The following KIF5C variants were observed in gnomAD, a reference collection of about 807,000 sequenced individuals.
KIF5C encodes the protein kinesin heavy chain isoform 5C.
Under a neutral mutation model 125.2 loss-of-function variants are expected in KIF5C, and 18 were observed. The ratio of observed to expected loss-of-function variants is 0.14; its 90% CI spans 0.10 to 0.21. KIF5C has a LOEUF of 0.21. Among genes scored for constraint, KIF5C ranks in the 10% least tolerant of loss-of-function variants. KIF5C has a pLI of 1.00. For synonymous variants in KIF5C, 405 were observed against 434.0 expected, an observed-to-expected ratio of 0.93 and a Z score of 0.83; for missense variants, 780 against 1,183.8, an observed-to-expected ratio of 0.66 and a Z score of 5.01.
chr2:149,015,195 T>C (rs1682326393), intron 25 of KIF5C, among the ~76,000 whole-genome samples: 1 of 152,144 alleles, frequency 6.6e-6, no homozygotes, highest in Admixed American at 6.5e-5. Flanking sequence ...CTAAAAAACA[T>C]ATATATATAA....
In KIF5C at chr2:148,983,478, C is replaced by T. The variant is rs532226251; in HGVS notation, c.1570-142C>T. 371 of 1,181,758 alleles carry T rather than the reference C, an allele frequency of 3.1e-4. 5 individuals are homozygous for T. In the South Asian group the frequency reaches 7.2e-3, roughly 23 times the overall value. 73.2% of individuals were successfully genotyped at this position (1,181,758 alleles called of 1,614,324 possible). Reference sequence around the variant, plus strand: ...TCTTATCCAAGAATGCAGTGCTATGCGAGAGTTTGCCTTAAAAGGATTCTT... The same window carrying T: ...TCTTATCCAAGAATGCAGTGCTATGTGAGAGTTTGCCTTAAAAGGATTCTT... On this transcript the variant is annotated intron_variant, in intron 14 of 25. Coordinates refer to ENST00000435030, the MANE Select transcript of KIF5C (RefSeq NM_004522.3).
chr2:148,943,158 C>T (rs1682445755), intron 7 of KIF5C, among the ~76,000 whole-genome samples: 1 of 152,118 alleles, frequency 6.6e-6, no homozygotes, highest in African/African-American at 2.4e-5. Flanking sequence ...TAATATGTTG[C>T]AGTCACACAC....
chr2:148,992,099 C>T lies in KIF5C; in HGVS notation c.1905+901C>T, dbSNP rs140583321. ...ATTGGTGTGTCAAATAATACTGAGG[C>T]GGACAAAAGCACACTTTATTCTGGT... On this transcript the variant is annotated intron_variant, in intron 16 of 25. Coordinates refer to ENST00000435030, the MANE Select transcript of KIF5C (RefSeq NM_004522.3). Among the ~76,000 whole-genome samples, 870 of 152,204 alleles carry T rather than the reference C, an allele frequency of 5.7e-3. 1 individual carries two copies. The highest frequency in any genetic ancestry group is 8.8e-3 in the Non-Finnish European group (599 of 68,008).
At chr2:149,011,335 G>A (rs575803852) in intron 24 of KIF5C, among the ~76,000 whole-genome samples, 3 of 152,294 alleles carry the variant, frequency 2.0e-5, no homozygotes, top group Admixed American at 2.0e-4. Context: ...GCCCAAATTA[G>A]AAATGAGCTA....
At chr2:149,012,688 C>T (rs1558948809) in intron 25 of KIF5C, among the ~76,000 whole-genome samples, 4 of 152,240 alleles carry the variant, frequency 2.6e-5, no homozygotes, top group Non-Finnish European at 4.4e-5. Flanking sequence ...GCAGTGCCAA[C>T]GAGCAGGCCA....
intron 3 of KIF5C, among the ~76,000 whole-genome samples, chr2:148,931,730 A>G (rs1209574876): frequency 1.3e-5 from 2 of 152,170 alleles, no homozygotes; most frequent in Non-Finnish European, 1.5e-5. Context: ...AATAGAAGAG[A>G]TATTTTGCTA....
Position 149,026,634 on chromosome 2 carries a change from T to C in KIF5C, c.*3564T>C, listed in dbSNP as rs1335553106. On this transcript the variant is annotated 3_prime_UTR_variant, in exon 26 of 26. Coordinates refer to ENST00000435030, the MANE Select transcript of KIF5C (RefSeq NM_004522.3). ...AAAAGATCTGGAAGTCACCCTCCTC[T>C]GGCCCACGGAAAATTTTGGTAATCT... is the stretch of plus-strand genomic sequence containing the variant. The C allele has an allele frequency of 1.3e-5, 2 of 152,668 alleles. No individual in the cohort carries two copies. The highest frequency in any genetic ancestry group is 2.9e-5 in the Non-Finnish European group (2 of 68,042). 9.5% of individuals were successfully genotyped at this position (152,668 alleles called of 1,614,324 possible).
chr2:148,885,033 C>T (rs556056381), intron 1 of KIF5C, among the ~76,000 whole-genome samples: 1 of 150,672 alleles, frequency 6.6e-6, no homozygotes, highest in African/African-American at 2.4e-5. Flanking sequence ...TGCAATGGCA[C>T]GATCTTGGCT....
intron 10 of KIF5C, among the ~76,000 whole-genome samples, chr2:148,955,204 G>C (rs1415520595): frequency 6.6e-6 from 1 of 152,154 alleles, no homozygotes; most frequent in Non-Finnish European, 1.5e-5. Flanking sequence ...ATGGGAACTA[G>C]GTCTCAGAGC....
intron 15 of KIF5C, among the ~76,000 whole-genome samples, chr2:148,984,426 T>G (rs1006309561): frequency 6.6e-6 from 1 of 152,238 alleles, no homozygotes; most frequent in Non-Finnish European, 1.5e-5. Flanking sequence ...CTCAACAATG[T>G]CAAGTTCTCA....
Position 148,997,448 on chromosome 2 carries a change from G to A in KIF5C, c.2100+108G>A, listed in dbSNP as rs1208144808. On this transcript the variant is annotated intron_variant, in intron 18 of 25. Coordinates refer to ENST00000435030, the MANE Select transcript of KIF5C (RefSeq NM_004522.3). ...CACCTTCAGATCCGTATATGGCAAGGGACAGGGGAGGGGCTGTTGTTGGGC... is the reference window on the plus strand; with the variant it reads ...CACCTTCAGATCCGTATATGGCAAGAGACAGGGGAGGGGCTGTTGTTGGGC... The A allele has an allele frequency of 3.2e-6, 5 of 1,545,922 alleles. No individual in the cohort carries two copies. In the Admixed American group the frequency reaches 9.7e-5, roughly 30 times the overall value.
intron 1 of KIF5C, among the ~76,000 whole-genome samples, chr2:148,918,042 G>A (rs535967207): frequency 6.6e-6 from 1 of 152,270 alleles, no homozygotes; most frequent in African/African-American, 2.4e-5. Context: ...TGGGTCAAAT[G>A]TATTAATAGG....
intron 1 of KIF5C, among the ~76,000 whole-genome samples, chr2:148,911,319 G>T (rs1681327116): frequency 6.6e-6 from 1 of 152,174 alleles, no homozygotes; most frequent in African/African-American, 2.4e-5. Flanking sequence ...AAAAGAAGGG[G>T]TCAAAGAGGA....
At chr2:148,910,624 G>A (rs910830187) in intron 1 of KIF5C, among the ~76,000 whole-genome samples, 2 of 152,222 alleles carry the variant, frequency 1.3e-5, no homozygotes, top group Non-Finnish European at 2.9e-5. Flanking sequence ...CGTCAGAGCA[G>A]TGAGGTCCAG....
At chr2:148,902,135 C>T (rs1299304227) in intron 1 of KIF5C, among the ~76,000 whole-genome samples, 2 of 152,144 alleles carry the variant, frequency 1.3e-5, no homozygotes, top group African/African-American at 4.8e-5. Context: ...TCTTTCCCCT[C>T]CTGTTAATGC....
chr2:148,879,481 A>C (rs77675181), intron 1 of KIF5C: 1 of 151,726 alleles, frequency 6.6e-6, no homozygotes, highest in African/African-American at 2.4e-5. Flanking sequence ...GAAAATTGGG[A>C]AAGAACTGCA....
At chr2:148,953,377 C>T (rs191629561) in intron 10 of KIF5C, among the ~76,000 whole-genome samples, 15 of 152,288 alleles carry the variant, frequency 9.8e-5, no homozygotes, top group Admixed American at 4.6e-4. Context: ...TGTGAGGTTT[C>T]GTTCCTTTCC....
chr2:148,916,969 C>T (rs1227394886), intron 1 of KIF5C, among the ~76,000 whole-genome samples: 3 of 152,016 alleles, frequency 2.0e-5, no homozygotes, highest in Non-Finnish European at 4.4e-5. Flanking sequence ...GTTGAAATGA[C>T]CTGGAAGGAC....
At chr2:148,944,499 C>T (rs1682479814) in intron 7 of KIF5C, among the ~76,000 whole-genome samples, 1 of 152,178 alleles carries the variant, frequency 6.6e-6, no homozygotes, top group South Asian at 2.1e-4. Flanking sequence ...GAACAATATT[C>T]CATTGTATGT....
Sources: allele counts gnomAD v4.1 joint callset (sites outside exome capture counted in the v4.1 genomes callset), GRCh38; gene constraint gnomAD v4.1.1; transcripts MANE v1.5; gene names NCBI Gene and HGNC (gene_info 2026-07-23, HGNC 2026-07-21).